The following BLTP3B variants were observed in gnomAD, a reference collection of about 807,000 sequenced individuals.
The protein encoded by BLTP3B is UHRF1 (ICBP90) binding protein 1-like.
chr12:100,128,788 G>A, the BLTP3B span: 4 of 1,190,576 alleles, frequency 3.4e-6, no homozygotes, highest in South Asian at 1.5e-5. Context: ...GAAGAGGAAA[G>A]GAATGATGAT....
the BLTP3B span, among the ~76,000 whole-genome samples, chr12:100,060,685 T>C: frequency 9.8e-5 from 15 of 152,336 alleles, no homozygotes; most frequent in Non-Finnish European, 2.1e-4. Flanking sequence ...ATAGCTCTCC[T>C]AAAATAAACT....
the BLTP3B span, among the ~76,000 whole-genome samples, chr12:100,081,907 T>C: frequency 6.6e-6 from 1 of 152,242 alleles, no homozygotes; most frequent in Non-Finnish European, 1.5e-5. Context: ...GAAAAATTTA[T>C]ATTCCTATGG....
chr12:100,132,275 C>T, the BLTP3B span, among the ~76,000 whole-genome samples: 1 of 152,096 alleles, frequency 6.6e-6, no homozygotes, highest in Non-Finnish European at 1.5e-5. Flanking sequence ...TTATGTTTTC[C>T]CGCTAGAGTC....
the BLTP3B span, among the ~76,000 whole-genome samples, chr12:100,089,762 T>A: frequency 6.6e-6 from 1 of 152,186 alleles, no homozygotes; most frequent in African/African-American, 2.4e-5. Context: ...ATGTGGGCCC[T>A]GTATACACTG....
the BLTP3B span, among the ~76,000 whole-genome samples, chr12:100,111,570 C>A: frequency 1.3e-5 from 2 of 151,934 alleles, no homozygotes; most frequent in Non-Finnish European, 2.9e-5. Flanking sequence ...TGGGCACATG[C>A]CACCATGCTC....
chr12:100,078,577 T>C, the BLTP3B span, among the ~76,000 whole-genome samples: 4 of 152,148 alleles, frequency 2.6e-5, no homozygotes, highest in African/African-American at 4.8e-5. Flanking sequence ...GGTAATCTGA[T>C]TACCAATTCA....
At chr12:100,120,542 A>G in the BLTP3B span, among the ~76,000 whole-genome samples, 7 of 152,190 alleles carry the variant, frequency 4.6e-5, no homozygotes, top group African/African-American at 1.2e-4. Context: ...TATCCACTAA[A>G]ATAGCTAAAA....
the BLTP3B span, among the ~76,000 whole-genome samples, chr12:100,101,907 A>C: frequency 5.9e-5 from 9 of 152,094 alleles, no homozygotes; most frequent in African/African-American, 2.2e-4. Context: ...GGGTTCAAGC[A>C]ATTCTCCTGC....
the BLTP3B span, among the ~76,000 whole-genome samples, chr12:100,123,929 T>C: frequency 6.6e-6 from 1 of 152,132 alleles, no homozygotes; most frequent in Admixed American, 6.5e-5. Flanking sequence ...CAGATACTAT[T>C]TGGCCCACAC....
At chr12:100,065,178 C>A in the BLTP3B span, among the ~76,000 whole-genome samples, 1 of 152,086 alleles carries the variant, frequency 6.6e-6, no homozygotes, top group Middle Eastern at 3.2e-3. Flanking sequence ...TTACTTTAAT[C>A]TCTTAATCCT....
chr12:100,070,221 A>G, the BLTP3B span: 6 of 1,541,100 alleles, frequency 3.9e-6, no homozygotes, highest in South Asian at 2.5e-5. Flanking sequence ...AAAACAAAAA[A>G]CCACAAAAGA....
the BLTP3B span, among the ~76,000 whole-genome samples, chr12:100,095,475 AAACAGAATAAACACT>A: frequency 1.3e-5 from 2 of 152,256 alleles, no homozygotes; most frequent in African/African-American, 4.8e-5. Context: ...ACAGAGCTCT[AAACAGAATAAACACT>A]AACAGATATG....
chr12:100,073,328 G>A, the BLTP3B span, among the ~76,000 whole-genome samples: 6 of 150,588 alleles, frequency 4.0e-5, no homozygotes, highest in African/African-American at 7.3e-5. Flanking sequence ...TGTGCTTAAC[G>A]ACAATTATTA....
the BLTP3B span, among the ~76,000 whole-genome samples, chr12:100,044,258 G>C: frequency 6.6e-6 from 1 of 152,096 alleles, no homozygotes. Context: ...TCCTATGTCT[G>C]TCTCCAGTTG....
chr12:100,049,407 T>C, the BLTP3B span, among the ~76,000 whole-genome samples: 1 of 152,184 alleles, frequency 6.6e-6, no homozygotes. Flanking sequence ...TTCTTCAGCA[T>C]GGGTGTGACT....
At chr12:100,090,093 C>T in the BLTP3B span, among the ~76,000 whole-genome samples, 1 of 152,176 alleles carries the variant, frequency 6.6e-6, no homozygotes, top group Non-Finnish European at 1.5e-5. Flanking sequence ...TGCCCTGTCT[C>T]GGGTATGTCT....
the BLTP3B span, among the ~76,000 whole-genome samples, chr12:100,048,541 A>G: frequency 4.9e-4 from 75 of 152,246 alleles, 2 homozygotes; most frequent in South Asian, 0.015. Context: ...AATAAGTCAG[A>G]CATTTAAAGT....
chr12:100,108,953 G>T, the BLTP3B span, among the ~76,000 whole-genome samples: 1 of 152,096 alleles, frequency 6.6e-6, no homozygotes, highest in Non-Finnish European at 1.5e-5. Context: ...TGGGTAGTGG[G>T]TACAAAAATA....
At chr12:100,094,350 A>G in the BLTP3B span, among the ~76,000 whole-genome samples, 1 of 152,088 alleles carries the variant, frequency 6.6e-6, no homozygotes, top group East Asian at 1.9e-4. Context: ...GCCTCTAGTA[A>G]ACCTCCTGCC....
Sources: gnomAD v4.1 joint callset for allele counts (sites outside exome capture counted in the v4.1 genomes callset) on GRCh38, gnomAD v4.1.1 for gene constraint, MANE v1.5 for transcripts, NCBI Gene and HGNC (gene_info 2026-07-23, HGNC 2026-07-21) for gene names.